Variants in AKAP6 observed in about 807,000 individuals in gnomAD.
AKAP6 encodes A-kinase anchor protein 6.
A neutral mutation model predicts 188.5 loss-of-function variants in AKAP6; 58 were observed. The observed-to-expected ratio is 0.31, with a 90% CI of 0.25 to 0.38. AKAP6 has a LOEUF of 0.38. AKAP6 is among the 10% of genes least tolerant of loss of function. AKAP6 has a pLI of 1.00. For missense variants in AKAP6, 2,710 were observed against 2,740.0 expected (o/e 0.99, Z 0.24); for synonymous variants, 989 against 998.6 (o/e 0.99, Z 0.18).
chr14:32,555,166 T>G (rs1883635525), intron 4 of AKAP6, among the ~76,000 whole-genome samples: 1 of 152,252 alleles, frequency 6.6e-6, no homozygotes, highest in Non-Finnish European at 1.5e-5. Context: ...GAGTTCTTCC[T>G]CTTTGTAACT....
chr14:32,497,172 A>G (rs1352135359), intron 2 of AKAP6, among the ~76,000 whole-genome samples: 1 of 152,098 alleles, frequency 6.6e-6, no homozygotes, highest in Non-Finnish European at 1.5e-5. Context: ...GGGTCTCTCT[A>G]TGCATAGTAT....
intron 1 of AKAP6, among the ~76,000 whole-genome samples, chr14:32,350,774 T>A (rs998285831): frequency 1.3e-5 from 2 of 151,926 alleles, no homozygotes; most frequent in Non-Finnish European, 2.9e-5. Flanking sequence ...AGTAAATAAA[T>A]ATATATATGT....
At chr14:32,469,511 G>A (rs1379755756) in intron 2 of AKAP6, among the ~76,000 whole-genome samples, 1 of 151,464 alleles carries the variant, frequency 6.6e-6, no homozygotes, top group Non-Finnish European at 1.5e-5. Flanking sequence ...ATCTTGATCT[G>A]TAAGAAAGTG....
At chr14:32,442,932 G>C (rs1890629776) in intron 2 of AKAP6, among the ~76,000 whole-genome samples, 1 of 152,114 alleles carries the variant, frequency 6.6e-6, no homozygotes, top group African/African-American at 2.4e-5. Flanking sequence ...AAGTGAAAAG[G>C]AAGTAAGATG....
At chr14:32,572,497 C>T (rs1455669901) in intron 4 of AKAP6, among the ~76,000 whole-genome samples, 1 of 152,204 alleles carries the variant, frequency 6.6e-6, no homozygotes, top group African/African-American at 2.4e-5. Flanking sequence ...ATTCTAGCTC[C>T]ATATGACAGC....
At position 32,821,601 on chromosome 14, in the gene AKAP6, A is replaced by T. The variant is rs2034520535; in HGVS notation, c.3788A>T (p.Glu1263Val). The change falls in exon 13 of 14, where the codon GAG (glutamate) becomes GTG (valine). Residue 1263 changes from glutamate (E) to valine (V), a missense_variant. Physicochemically the swap from Glu to Val is moderately radical, Grantham distance 121. Around this residue, in one of 2 missense-constraint regions of AKAP6, gnomAD observed 2,473 missense variants for 2,426.1 expected, o/e 1.02. Coordinates refer to ENST00000280979, the MANE Select transcript of AKAP6 (RefSeq NM_004274.5). Reference protein sequence around the residue: ...ETSNEDPGYDEEADNHGGSQY... With the variant: ...ETSNEDPGYDVEADNHGGSQY... ...AGTAATGAGGACCCTGGTTATGACG[A>T]GGAGGCTGATAACCATGGGGGATCT... 6.2e-7 allele frequency: 1 copy of T among 1,613,758 alleles called. No homozygotes were observed. Among genetic ancestry groups the T allele is most frequent in the African/African-American group, 1.3e-5 (1 of 75,002 alleles).
rs1777473405 is a variant in AKAP6, at chr14:32,545,588, C to T, written c.935C>T (p.Ala312Val). The change falls in exon 4 of 14, where the codon GCT becomes GTT. Residue 312 changes from alanine to valine, a missense_variant. Around this residue, in one of 2 missense-constraint regions of AKAP6, gnomAD observed 2,473 missense variants for 2,426.1 expected, o/e 1.02. Coordinates refer to ENST00000280979, the MANE Select transcript of AKAP6 (RefSeq NM_004274.5). ...AAAGGTGGATGTGAGGAAGACAATGCTTCTGCAGTCGAAGAGCAACCAGGC... is the reference window on the plus strand; with the variant it reads ...AAAGGTGGATGTGAGGAAGACAATGTTTCTGCAGTCGAAGAGCAACCAGGC... The part of the protein sequence containing the change: ...DDKGGCEEDN[A>V]SAVEEQPGLT... 6.2e-7 allele frequency: 1 copy of T among 1,614,206 alleles called. No homozygotes were observed. The highest frequency in any genetic ancestry group is 8.5e-7 in the Non-Finnish European group (1 of 1,180,024).
intron 10 of AKAP6, 159 bp downstream of exon 10, chr14:32,732,759 C>G: frequency 2.4e-6 from 2 of 822,246 alleles, no homozygotes; most frequent in Non-Finnish European, 3.7e-6. Flanking sequence ...AAAGACACTG[C>G]TTTTCCTCTT....
intron 4 of AKAP6, among the ~76,000 whole-genome samples, chr14:32,553,853 G>A (rs2139183433): frequency 6.6e-6 from 1 of 152,296 alleles, no homozygotes; most frequent in East Asian, 1.9e-4. Flanking sequence ...AACCCATTGT[G>A]TGAATAAATT....
chr14:32,678,954 G>T (rs1204183384), intron 8 of AKAP6, among the ~76,000 whole-genome samples: 3 of 152,152 alleles, frequency 2.0e-5, no homozygotes, highest in Non-Finnish European at 2.9e-5. Context: ...GAATAGACTA[G>T]CTCTTGCATT....
chr14:32,799,083 A>G (rs1266976405), intron 12 of AKAP6, among the ~76,000 whole-genome samples: 4 of 152,172 alleles, frequency 2.6e-5, no homozygotes, highest in Non-Finnish European at 4.4e-5. Flanking sequence ...AGTAGACAAT[A>G]TATTTTTGCT....
intron 11 of AKAP6, 95 bp downstream of exon 11, chr14:32,735,977 T>G: frequency 1.1e-6 from 1 of 889,964 alleles, no homozygotes; most frequent in Non-Finnish European, 1.7e-6. Context: ...CATGTATCTG[T>G]GTATCACTGT....
At chr14:32,351,776 T>TACAC (rs1566458362) in intron 1 of AKAP6, among the ~76,000 whole-genome samples, 1 of 152,156 alleles carries the variant, frequency 6.6e-6, no homozygotes, top group Non-Finnish European at 1.5e-5. Context: ...TATATGTTTA[T>TACAC]ATATACATAC....
chr14:32,722,854 G>A (rs918543549), intron 9 of AKAP6, among the ~76,000 whole-genome samples: 2 of 152,136 alleles, frequency 1.3e-5, no homozygotes, highest in East Asian at 1.9e-4. Flanking sequence ...AGGATGCACC[G>A]GGTGCAGGAA....
chr14:32,436,051 A>C (rs147582521), intron 2 of AKAP6, among the ~76,000 whole-genome samples: 2 of 152,330 alleles, frequency 1.3e-5, no homozygotes, highest in East Asian at 3.9e-4. Flanking sequence ...AAACACAACA[A>C]AACAACCTTG....
chr14:32,566,913 T>C (rs1485896816), intron 4 of AKAP6, among the ~76,000 whole-genome samples: 8 of 152,092 alleles, frequency 5.3e-5, no homozygotes, highest in Non-Finnish European at 2.9e-5. Context: ...GTGAATGTTA[T>C]CTGTCAAGTA....
rs9743660 is a variant in AKAP6 at position 32,520,098 on chromosome 14, T to G, written c.325-15456T>G. Reference sequence around the variant, plus strand: ...GAATAACCTGCTCCTGAATGACTACTGGGTACATAACTAAATGAAGGCAGA... The same window carrying G: ...GAATAACCTGCTCCTGAATGACTACGGGGTACATAACTAAATGAAGGCAGA... On this transcript the variant is annotated intron_variant, in intron 2 of 13. Coordinates refer to ENST00000280979, the MANE Select transcript of AKAP6 (RefSeq NM_004274.5). Among the ~76,000 whole-genome samples the G allele has an allele frequency of 7.4e-3, 1,129 of 152,120 alleles. 21 individuals carry two copies. Among genetic ancestry groups the G allele is most frequent in the African/African-American group, 0.026 (1,072 of 41,500 alleles).
At chr14:32,812,379 C>T (rs181889183) in intron 12 of AKAP6, among the ~76,000 whole-genome samples, 109 of 152,246 alleles carry the variant, frequency 7.2e-4, no homozygotes, top group African/African-American at 2.4e-3. Context: ...AAAAACTCTT[C>T]CTAAATTTTT....
At chr14:32,331,112 C>A (rs530305624) in intron 1 of AKAP6, among the ~76,000 whole-genome samples, 6 of 152,050 alleles carry the variant, frequency 3.9e-5, no homozygotes, top group African/African-American at 1.4e-4. Context: ...TGGATAAAAT[C>A]ACTTAGTGCC....
Sources: gnomAD v4.1 joint callset for allele counts (sites outside exome capture counted in the v4.1 genomes callset) on GRCh38, gnomAD v4.1.1 for gene constraint, gnomAD v4.1.1 regional missense constraint, MANE v1.5 for transcripts, NCBI Gene and HGNC (gene_info 2026-07-23, HGNC 2026-07-21) for gene names.